IMMP2L: variants seen among roughly 807,000 people sequenced by gnomAD.
The protein encoded by IMMP2L is mitochondrial inner membrane protease subunit 2.
Under a neutral mutation model 19.3 loss-of-function variants are expected in IMMP2L, and 18 were observed. The ratio of observed to expected loss-of-function variants is 0.93; its 90% CI spans 0.64 to 1.38. IMMP2L has a LOEUF of 1.38. Ranked by LOEUF, IMMP2L falls within the 40% of genes most tolerant of loss-of-function variation. IMMP2L has a pLI of 0.00. For synonymous variants in IMMP2L, 76 were observed against 73.0 expected, an observed-to-expected ratio of 1.04 and a Z score of -0.21; for missense variants, 233 against 218.2, an observed-to-expected ratio of 1.07 and a Z score of -0.43.
At chr7:111,170,849 C>T (rs780271251) in intron 3 of IMMP2L, among the ~76,000 whole-genome samples, 1 of 150,296 alleles carries the variant, frequency 6.7e-6, no homozygotes, top group Non-Finnish European at 1.5e-5. Flanking sequence ...TACCCATTAC[C>T]CCAACAGTGA....
intron 3 of IMMP2L, among the ~76,000 whole-genome samples, chr7:111,036,679 C>T (rs955002481): frequency 5.9e-5 from 9 of 152,078 alleles, no homozygotes; most frequent in Non-Finnish European, 1.3e-4. Context: ...TGATGTTACA[C>T]ATCTCTTTTT....
At chr7:111,487,559 T>A (rs1314238444) in intron 2 of IMMP2L, among the ~76,000 whole-genome samples, 1 of 152,166 alleles carries the variant, frequency 6.6e-6, no homozygotes, top group Non-Finnish European at 1.5e-5. Context: ...CCAATGCTTA[T>A]TTGAAAGGAA....
chr7:111,271,802 T>C (rs982326713), intron 3 of IMMP2L, among the ~76,000 whole-genome samples: 2 of 152,100 alleles, frequency 1.3e-5, no homozygotes, highest in East Asian at 1.9e-4. Flanking sequence ...ACCTAAAACC[T>C]ATCTCAGAAA....
At chr7:111,435,599 G>A (rs1837081615) in intron 3 of IMMP2L, among the ~76,000 whole-genome samples, 1 of 151,432 alleles carries the variant, frequency 6.6e-6, no homozygotes, top group Non-Finnish European at 1.5e-5. Flanking sequence ...CAGGTGATGG[G>A]CACACTAAAT....
chr7:111,283,788 G>A (rs987487965), intron 3 of IMMP2L, among the ~76,000 whole-genome samples: 26 of 151,426 alleles, frequency 1.7e-4, no homozygotes, highest in African/African-American at 6.1e-4. Context: ...CGGCTAAAAC[G>A]GTGAAACCCC....
At chr7:111,130,457 A>G (rs368378360) in intron 3 of IMMP2L, among the ~76,000 whole-genome samples, 1 of 152,132 alleles carries the variant, frequency 6.6e-6, no homozygotes, top group Non-Finnish European at 1.5e-5. Flanking sequence ...AACTAATAGT[A>G]TGATGTGACC....
At chr7:110,700,035 C>A (rs925115235) in intron 5 of IMMP2L, among the ~76,000 whole-genome samples, 5 of 152,126 alleles carry the variant, frequency 3.3e-5, no homozygotes. Context: ...ATGGATTCTT[C>A]CCTGGTCAAG....
intron 2 of IMMP2L, among the ~76,000 whole-genome samples, chr7:111,500,721 G>A (rs1384574433): frequency 1.8e-4 from 28 of 152,276 alleles, no homozygotes; most frequent in Admixed American, 1.8e-3. Context: ...AGGGTCTGGA[G>A]TGGACATCTA....
chr7:111,547,905 A>G (rs2133053199), intron 1 of IMMP2L, among the ~76,000 whole-genome samples: 1 of 152,032 alleles, frequency 6.6e-6, no homozygotes, highest in Middle Eastern at 3.4e-3. Flanking sequence ...TATTTTTGGG[A>G]GACACAGGGT....
At chr7:111,170,786 C>T (rs1054068396) in intron 3 of IMMP2L, among the ~76,000 whole-genome samples, 28 of 151,758 alleles carry the variant, frequency 1.8e-4, no homozygotes, top group African/African-American at 4.8e-4. Context: ...GGAGGATCAT[C>T]GGCAGTTTTG....
intron 3 of IMMP2L, among the ~76,000 whole-genome samples, chr7:111,416,533 G>T (rs1451507549): frequency 6.6e-6 from 1 of 151,710 alleles, no homozygotes; most frequent in East Asian, 1.9e-4. Context: ...TCTGTCTTTG[G>T]AGATGCCTTA....
intron 4 of IMMP2L, among the ~76,000 whole-genome samples, chr7:110,918,117 T>A (rs2129550122): frequency 6.6e-6 from 1 of 152,320 alleles, no homozygotes; most frequent in East Asian, 1.9e-4. Context: ...CCTCAGGAAT[T>A]TCTTTCCTTT....
intron 4 of IMMP2L, among the ~76,000 whole-genome samples, chr7:110,959,939 C>T (rs1198444094): frequency 5.3e-5 from 8 of 151,964 alleles, no homozygotes; most frequent in Non-Finnish European, 1.5e-5. Flanking sequence ...TTGTACTTTT[C>T]CTCAGAAAGG....
At chr7:110,929,946 TA>T in intron 4 of IMMP2L, among the ~76,000 whole-genome samples, 1 of 152,026 alleles carries the variant, frequency 6.6e-6, no homozygotes. Context: ...TGGGGGAAGA[TA>T]ACTGCTATTA....
At chr7:111,424,348 C>T (rs1203206566) in intron 3 of IMMP2L, among the ~76,000 whole-genome samples, 2 of 151,574 alleles carry the variant, frequency 1.3e-5, no homozygotes, top group Non-Finnish European at 2.9e-5. Flanking sequence ...TGGGTGGTTT[C>T]GGTAGATTCT....
chr7:110,830,255 T>C (rs929816523), intron 5 of IMMP2L, among the ~76,000 whole-genome samples: 3 of 152,158 alleles, frequency 2.0e-5, no homozygotes, highest in African/African-American at 7.2e-5. Context: ...ATGGGCCTTA[T>C]GCCTTTTTAG....
At chr7:111,262,107 T>C (rs1286684111) in intron 3 of IMMP2L, among the ~76,000 whole-genome samples, 1 of 152,134 alleles carries the variant, frequency 6.6e-6, no homozygotes, top group East Asian at 1.9e-4. Context: ...TAGAACCTAC[T>C]ATGGCTGGGT....
At chr7:111,478,912 T>G (rs915468375) in intron 3 of IMMP2L, among the ~76,000 whole-genome samples, 1 of 152,226 alleles carries the variant, frequency 6.6e-6, no homozygotes, top group Non-Finnish European at 1.5e-5. Flanking sequence ...TGATGTCTCT[T>G]GCTTCCAGCA....
In IMMP2L at chr7:110,760,548, C is replaced by A. The variant is rs6954311; in HGVS notation, c.409-96827G>T. On this transcript the variant is annotated intron_variant, in intron 5 of 5. Transcript: ENST00000405709. The surrounding 1 kb of genome is among the most constrained non-coding windows in gnomAD (Gnocchi z 4.2). ...TTATATAAAAGAGTTTTTGTTGTCC[C>A]CAACTCCCAGGAGGGCAACTGCTGG... is the stretch of plus-strand genomic sequence containing the variant. Among the ~76,000 whole-genome samples, 93,922 of 151,810 alleles carry A rather than the reference C, an allele frequency of 0.62. 30,701 individuals carry two copies. The highest frequency in any genetic ancestry group is 0.85 in the African/African-American group (35,216 of 41,462).
Sources: gnomAD v4.1 joint callset for allele counts (sites outside exome capture counted in the v4.1 genomes callset) on GRCh38, gnomAD v4.1.1 for gene constraint, Gnocchi (gnomAD v3.1) non-coding constraint, MANE v1.5 for transcripts, NCBI Gene and HGNC (gene_info 2026-07-23, HGNC 2026-07-21) for gene names.